Variants in GMPS observed in about 807,000 individuals in gnomAD.
GMPS encodes guanosine monophosphate synthase, also known as GMP synthase [glutamine-hydrolyzing].
GMPS carries 15 observed loss-of-function variants against 77.9 expected under a neutral mutation model. The ratio of observed to expected loss-of-function variants is 0.19; its 90% confidence interval spans 0.13 to 0.30. The LOEUF (loss-of-function observed/expected upper bound fraction) is 0.30, where lower values mean the gene tolerates loss of function less well. Among genes scored for constraint, GMPS ranks in the 10% least tolerant of loss-of-function variants. The pLI is 1.00. For synonymous variants in GMPS, 224 were observed against 275.9 expected, an observed-to-expected ratio of 0.81 and a Z score of 1.86; for missense variants, 590 against 838.8, an observed-to-expected ratio of 0.70 and a Z score of 3.66.
chr3:155,915,055 A>G (rs910250905), intron 8 of GMPS, among the ~76,000 whole-genome samples: 5 of 152,120 alleles, frequency 3.3e-5, no homozygotes, highest in African/African-American at 1.2e-4. Flanking sequence ...GGTGTGAGCC[A>G]CTATGCCCAG....
intron 1 of GMPS, among the ~76,000 whole-genome samples, chr3:155,877,396 G>A (rs1204357370): frequency 6.6e-6 from 1 of 151,966 alleles, no homozygotes; most frequent in Non-Finnish European, 1.5e-5. Flanking sequence ...GACATACCAT[G>A]TACTCTGCTT....
intron 1 of GMPS, among the ~76,000 whole-genome samples, chr3:155,884,388 GAA>G (rs749938205): frequency 3.4e-5 from 3 of 88,510 alleles, no homozygotes; most frequent in Admixed American, 1.3e-4. Context: ...TCTGCCTCCA[GAA>G]AAAAAAAAAA....
chr3:155,927,384 C>T (rs1755483883), intron 12 of GMPS, among the ~76,000 whole-genome samples: 1 of 152,166 alleles, frequency 6.6e-6, no homozygotes, highest in African/African-American at 2.4e-5. Flanking sequence ...GTGCTAACTG[C>T]TGCTACAAAG....
At chr3:155,883,345 G>T (rs1374137845) in intron 1 of GMPS, among the ~76,000 whole-genome samples, 1 of 152,064 alleles carries the variant, frequency 6.6e-6, no homozygotes, top group Admixed American at 6.6e-5. Flanking sequence ...AAAGTGCTAG[G>T]ATTACAGGCA....
rs750365897 is a variant in GMPS, at chr3:155,916,104, A to G, written c.1124A>G (p.Glu375Gly). Residue 375 changes from glutamate to glycine, a missense_variant, in exon 9 of 16, where the codon GAA becomes GGA. Glu to Gly is a moderately conservative substitution (Grantham distance 98, BLOSUM62 -2). Around this residue, in one of 6 missense-constraint regions of GMPS, gnomAD observed 181 missense variants for 186.8 expected, o/e 0.97. Coordinates refer to ENST00000496455, the MANE Select transcript of GMPS (RefSeq NM_003875.3). ...AQGTLRPDLI[E>G]SASLVASGKA... ...GGTACTTTACGGCCTGATCTAATTG[A>G]AAGTGCATCCCTTGTTGCAAGTGGC... The G allele has an allele frequency of 2.5e-6, 4 of 1,612,984 alleles. No individual in the cohort carries two copies. The highest frequency in any genetic ancestry group is 3.4e-6 in the Non-Finnish European group (4 of 1,179,084).
rs2108157264 is a variant in GMPS, at chr3:155,938,936, A to T, written c.*1244A>T. On this transcript the variant is annotated 3_prime_UTR_variant, in exon 16 of 16. Transcript: ENST00000496455. ...AAGAATGTTACCATATTTTTCTCTT[A>T]ACAATTCCATCTCAGGTTGCTGCTG... is the stretch of plus-strand genomic sequence containing the variant. The T allele has an allele frequency of 4.6e-6, 1 of 217,164 alleles. No homozygotes were observed. The highest frequency in any genetic ancestry group is 1.5e-3 in the Middle Eastern group (1 of 680). 13.5% of individuals were successfully genotyped at this position (217,164 alleles called of 1,614,324 possible).
In GMPS at chr3:155,909,364, A is replaced by G. The variant is rs998921844; in HGVS notation, c.527-1328A>G. Among the ~76,000 whole-genome samples, 6 of 152,220 alleles carry G rather than the reference A, an allele frequency of 3.9e-5. No individual in the cohort carries two copies. In the South Asian group the frequency reaches 8.3e-4, roughly 21 times the overall value. On this transcript the variant is annotated intron_variant, in intron 5 of 15. Transcript: ENST00000496455. ...GTCTAATATATGAGATTCTTTTAAT[A>G]TAAGAACTTGGTAGCTGTACAATGC...
chr3:155,886,909 C>T (rs948120238), intron 1 of GMPS, among the ~76,000 whole-genome samples: 1 of 152,016 alleles, frequency 6.6e-6, no homozygotes, highest in South Asian at 2.1e-4. Flanking sequence ...AATCCCTTTC[C>T]CTTAAGGAAA....
chr3:155,936,030 T>C (rs1755757227), intron 14 of GMPS, among the ~76,000 whole-genome samples: 2 of 152,216 alleles, frequency 1.3e-5, no homozygotes, highest in South Asian at 4.1e-4. Flanking sequence ...CAGTATTCGC[T>C]AATTCGTTGT....
intron 1 of GMPS, among the ~76,000 whole-genome samples, chr3:155,889,648 T>C (rs1303803573): frequency 6.6e-6 from 1 of 152,248 alleles, no homozygotes; most frequent in African/African-American, 2.4e-5. Context: ...TCAGTAATTA[T>C]GTGGGATCCA....
chr3:155,913,523 AT>A (rs5853733), intron 7 of GMPS, among the ~76,000 whole-genome samples: 103 of 142,192 alleles, frequency 7.2e-4, no homozygotes, highest in African/African-American at 1.2e-3. Context: ...ATCAGCATAA[AT>A]TTTTTTTTTT....
At chr3:155,931,378 G>T (rs1417075511) in intron 12 of GMPS, among the ~76,000 whole-genome samples, 1 of 151,458 alleles carries the variant, frequency 6.6e-6, no homozygotes, top group Non-Finnish European at 1.5e-5. Context: ...TAGAGATGGG[G>T]TTTCATCATG....
chr3:155,885,864 A>G (rs1012523021), intron 1 of GMPS, among the ~76,000 whole-genome samples: 1 of 152,232 alleles, frequency 6.6e-6, no homozygotes, highest in Non-Finnish European at 1.5e-5. Context: ...GTCACAGCCC[A>G]GGCTGGAGTG....
intron 9 of GMPS, among the ~76,000 whole-genome samples, chr3:155,917,118 C>T (rs1755199926): frequency 6.6e-6 from 1 of 151,976 alleles, no homozygotes; most frequent in South Asian, 2.1e-4. Context: ...GGATTACAGG[C>T]ATGCGCCACG....
In GMPS at chr3:155,938,490, G is replaced by C. The variant is rs1398549197; in HGVS notation, c.*798G>C. On this transcript the variant is annotated 3_prime_UTR_variant, in exon 16 of 16. Transcript: ENST00000496455. ...GAAAGTTTCTGTTATCTCCTTAGAA[G>C]AAACTGGCTCAATGACGTTTCTGGT... The C allele has an allele frequency of 4.7e-6, 1 of 210,888 alleles. No individual in the cohort carries two copies. Among genetic ancestry groups the C allele is most frequent in the Non-Finnish European group, 9.6e-6 (1 of 103,826 alleles). The allele number at this position is 210,888 out of a possible 1,614,324, so 13.1% of individuals were successfully genotyped here. A position where few individuals can be genotyped will look rare whatever the true frequency, so the allele number is the denominator to read the frequency against.
intron 5 of GMPS, 151 bp from the exon 6 acceptor site, chr3:155,910,541 C>T (rs900381157): frequency 2.1e-5 from 9 of 436,822 alleles, no homozygotes; most frequent in African/African-American, 1.5e-4. Flanking sequence ...TGCACTCCAG[C>T]CTGAGCGACA....
chr3:155,925,427 C>T lies in GMPS; in HGVS notation c.1560+61C>T, dbSNP rs186180173. 8.8e-6 allele frequency: 12 copies of T among 1,366,396 alleles called. No individual in the cohort carries two copies. In the South Asian group the frequency reaches 1.1e-4, roughly 13 times the overall value. The allele number at this position is 1,366,396 out of a possible 1,614,324, so 84.6% of individuals were successfully genotyped here. On this transcript the variant is annotated intron_variant, in intron 12 of 15. Coordinates refer to ENST00000496455, the MANE Select transcript of GMPS (RefSeq NM_003875.3). ...TTTTTTTTTTTTTCTTTTCTTGAGA[C>T]GGAGTCTCACTGTGTTGCCCAGGCT...
rs2108131249 is a variant in GMPS at position 155,925,323 on chromosome 3, C to T, written c.1517C>T (p.Ser506Leu). 1 of 1,610,694 alleles carries T rather than the reference C, an allele frequency of 6.2e-7. No individual in the cohort carries two copies. ...CTGATGCAAATTACCAGTCTGCATT[C>T]ACTGAATGCCTTCTTGCTGCCAATT... ...EKLMQITSLH[S>L]LNAFLLPIKT... The change falls in exon 12 of 16, where the codon TCA becomes TTA. Residue 506 changes from serine to leucine, a missense_variant. This residue lies in a region of GMPS where 89 missense variants were observed against 95.9 expected (regional missense o/e 0.93). Coordinates refer to ENST00000496455, the MANE Select transcript of GMPS (RefSeq NM_003875.3).
rs1441477141 is a variant in GMPS, at chr3:155,938,068, C to T, written c.*376C>T. 8.3e-6 allele frequency: 2 copies of T among 241,988 alleles called. No homozygotes were observed. Among genetic ancestry groups the T allele is most frequent in the Non-Finnish European group, 1.6e-5 (2 of 123,900 alleles). The allele number at this position is 241,988 out of a possible 1,614,324, so 15.0% of individuals were successfully genotyped here. A position where few individuals can be genotyped will look rare whatever the true frequency, so the allele number is the denominator to read the frequency against. On this transcript the variant is annotated 3_prime_UTR_variant, in exon 16 of 16. Coordinates refer to ENST00000496455, the MANE Select transcript of GMPS (RefSeq NM_003875.3). ...GTTTCTAAGAACTGTTAGAAACGCC[C>T]ATTATTTACCAGTGTTACTTACTAC...
Sources: gnomAD v4.1 joint callset for allele counts (sites outside exome capture counted in the v4.1 genomes callset) on GRCh38, gnomAD v4.1.1 for gene constraint, gnomAD v4.1.1 regional missense constraint, MANE v1.5 for transcripts, NCBI Gene and HGNC (gene_info 2026-07-23, HGNC 2026-07-21) for gene names.